IFT43: variants seen among roughly 807,000 people sequenced by gnomAD.
IFT43 encodes the protein intraflagellar transport 43.
Under a neutral mutation model 32.3 loss-of-function variants are expected in IFT43, and 33 were observed. That is an observed-to-expected ratio of 1.02 (90% CI 0.77 to 1.37). IFT43 has a LOEUF of 1.37. Ranked by LOEUF, IFT43 falls within the 40% of genes most tolerant of loss-of-function variation. The pLI, the probability that IFT43 is intolerant of heterozygous loss-of-function variation, is 0.00. For synonymous variants in IFT43, 93 were observed against 98.2 expected, an observed-to-expected ratio of 0.95 and a Z score of 0.31; for missense variants, 274 against 265.9, an observed-to-expected ratio of 1.03 and a Z score of -0.21.
intron 5 of IFT43, among the ~76,000 whole-genome samples, chr14:76,077,505 G>A (rs2037432458): frequency 6.6e-6 from 1 of 152,150 alleles, no homozygotes; most frequent in South Asian, 2.1e-4. Flanking sequence ...ACAGATGCCT[G>A]GGATGTGGCA....
intron 2 of IFT43, among the ~76,000 whole-genome samples, chr14:75,999,266 TATA>T (rs2035829312): frequency 1.2e-4 from 3 of 25,348 alleles, no homozygotes; most frequent in Non-Finnish European, 1.9e-4. Flanking sequence ...TATATATATA[TATA>T]TATGTATATA....
At chr14:76,083,054 A>T (rs2037542028) in intron 7 of IFT43, 173 bp from the exon 8 acceptor site, 1 of 200,206 alleles carries the variant, frequency 5.0e-6, no homozygotes, top group South Asian at 1.8e-4. Context: ...GCCTTCCCTC[A>T]TTTCTCAGTG....
At chr14:76,074,886 T>C (rs942090653) in intron 5 of IFT43, among the ~76,000 whole-genome samples, 2 of 152,116 alleles carry the variant, frequency 1.3e-5, no homozygotes, top group African/African-American at 4.8e-5. Context: ...CCCAACCCAT[T>C]GTCAGCCAAG....
intron 1 of IFT43, among the ~76,000 whole-genome samples, chr14:75,988,383 A>G (rs892035699): frequency 6.6e-6 from 1 of 152,188 alleles, no homozygotes; most frequent in African/African-American, 2.4e-5. Flanking sequence ...TTCCTATCAA[A>G]TAGAACTGAC....
chr14:76,077,894 A>G (rs79888058), intron 5 of IFT43, among the ~76,000 whole-genome samples: 2,283 of 152,292 alleles, frequency 0.015, 58 homozygotes, highest in African/African-American at 0.05. Context: ...CCTGTCCTCA[A>G]TGCAGAAATA....
In IFT43 at chr14:76,016,289, C is replaced by T. The variant is rs2139939177; in HGVS notation, c.148-6038C>T. Among the ~76,000 whole-genome samples the T allele has an allele frequency of 2.6e-5, 4 of 152,244 alleles. No individual in the cohort carries two copies. In the South Asian group the frequency reaches 8.3e-4, roughly 32 times the overall value. On this transcript the variant is annotated intron_variant, in intron 2 of 8. Coordinates refer to ENST00000314067, the MANE Select transcript of IFT43 (RefSeq NM_001102564.3). ...CTTCTGTGTATGGAAATCCGGTTTT[C>T]CCAGCACCACTTATTGAGGAGACTG...
chr14:76,050,987 A>G (rs2036903572), intron 3 of IFT43, among the ~76,000 whole-genome samples: 2 of 151,912 alleles, frequency 1.3e-5, no homozygotes, highest in African/African-American at 4.8e-5. Flanking sequence ...TAATGTGAGC[A>G]GCAGGGGGCA....
At chr14:76,057,685 A>G (rs996187619) in intron 3 of IFT43, among the ~76,000 whole-genome samples, 1 of 152,210 alleles carries the variant, frequency 6.6e-6, no homozygotes, top group African/African-American at 2.4e-5. Context: ...GTCAAGGTCT[A>G]CATCCTGCCT....
At chr14:75,996,127 C>T (rs948121962) in intron 2 of IFT43, among the ~76,000 whole-genome samples, 16 of 152,182 alleles carry the variant, frequency 1.1e-4, no homozygotes, top group African/African-American at 3.6e-4. Flanking sequence ...TCAAAGAGCA[C>T]TTTAAGATTC....
At chr14:76,011,626 C>T (rs2036087467) in intron 2 of IFT43, among the ~76,000 whole-genome samples, 2 of 152,208 alleles carry the variant, frequency 1.3e-5, no homozygotes. Context: ...GGCTTTAGCA[C>T]TCACTGATGA....
intron 3 of IFT43, among the ~76,000 whole-genome samples, chr14:76,030,571 C>T (rs1451881324): frequency 6.6e-6 from 1 of 152,156 alleles, no homozygotes; most frequent in Non-Finnish European, 1.5e-5. Flanking sequence ...ACGCTCTATC[C>T]TGTAACACAC....
At chr14:76,013,604 C>T in intron 2 of IFT43, 1 of 191,654 alleles carries the variant, frequency 5.2e-6, no homozygotes. Flanking sequence ...AGGGACTGGA[C>T]TGTCTATGCA....
chr14:76,063,969 G>A (rs943582598), intron 5 of IFT43, among the ~76,000 whole-genome samples: 1 of 152,186 alleles, frequency 6.6e-6, no homozygotes, highest in East Asian at 1.9e-4. Flanking sequence ...GAGGACCAGC[G>A]AGGGCAGGAG....
intron 5 of IFT43, among the ~76,000 whole-genome samples, chr14:76,061,457 G>C (rs1426801054): frequency 6.6e-6 from 1 of 152,056 alleles, no homozygotes; most frequent in African/African-American, 2.4e-5. Flanking sequence ...TTCCAAGTTT[G>C]TATGCCCACA....
At chr14:76,069,592 A>T (rs999160305) in intron 5 of IFT43, among the ~76,000 whole-genome samples, 1 of 152,240 alleles carries the variant, frequency 6.6e-6, no homozygotes, top group Non-Finnish European at 1.5e-5. Context: ...TTTAAAAAAG[A>T]TGAAGAATGT....
intron 2 of IFT43, among the ~76,000 whole-genome samples, chr14:76,008,532 T>C (rs1395380528): frequency 6.6e-6 from 1 of 152,164 alleles, no homozygotes; most frequent in African/African-American, 2.4e-5. Flanking sequence ...GGAGATATGA[T>C]GAGCACAAGG....
chr14:76,059,770 A>G (rs79713290), intron 5 of IFT43, among the ~76,000 whole-genome samples: 36,956 of 152,158 alleles, frequency 0.24, 5,119 homozygotes, highest in Non-Finnish European at 0.33. Context: ...CAGTTTACAC[A>G]TGTTAAAGCA....
intron 3 of IFT43, among the ~76,000 whole-genome samples, chr14:76,031,146 A>G (rs1442420987): frequency 6.6e-6 from 1 of 151,400 alleles, no homozygotes; most frequent in East Asian, 1.9e-4. Flanking sequence ...CCTAGGTGTC[A>G]GTGAACTATG....
chr14:76,061,271 C>T (rs549118071), intron 5 of IFT43, among the ~76,000 whole-genome samples: 1 of 152,264 alleles, frequency 6.6e-6, no homozygotes, highest in South Asian at 2.1e-4. Context: ...TTTAAGATTT[C>T]TTCTCCATTA....
Sources: allele counts gnomAD v4.1 joint callset (sites outside exome capture counted in the v4.1 genomes callset), GRCh38; gene constraint gnomAD v4.1.1; transcripts MANE v1.5; gene names NCBI Gene and HGNC (gene_info 2026-07-23, HGNC 2026-07-21).